Variants in PTPRR observed in about 807,000 individuals in gnomAD.
The protein encoded by PTPRR is protein tyrosine phosphatase receptor type R, also known as receptor-type tyrosine-protein phosphatase R.
PTPRR carries 38 observed loss-of-function variants against 77.2 expected under a neutral mutation model. The observed-to-expected ratio is 0.49, with a 90% confidence interval of 0.38 to 0.65. PTPRR has a LOEUF of 0.65. Ranked by LOEUF, PTPRR falls within the 30% of genes least tolerant of loss-of-function variation. PTPRR has a pLI of 0.00. For synonymous variants in PTPRR, 299 were observed against 283.1 expected (o/e 1.06, Z -0.57); for missense variants, 744 against 799.2 (o/e 0.93, Z 0.83).
At chr12:70,662,732 T>C in intron 10 of PTPRR, 127 bp from the exon 11 acceptor site, 2 of 551,236 alleles carry the variant, frequency 3.6e-6, no homozygotes, top group Non-Finnish European at 3.2e-6. Context: ...ATTTTTATAG[T>C]TTTGTAAATA....
intron 6 of PTPRR, among the ~76,000 whole-genome samples, chr12:70,736,108 G>A (rs553773486): frequency 6.6e-6 from 1 of 151,956 alleles, no homozygotes; most frequent in African/African-American, 2.4e-5. Flanking sequence ...TGCTCTATTC[G>A]TGTTCACCTT....
At chr12:70,673,450 G>T (rs953139634) in intron 10 of PTPRR, among the ~76,000 whole-genome samples, 2 of 152,184 alleles carry the variant, frequency 1.3e-5, no homozygotes, top group Admixed American at 1.3e-4. Context: ...GTGAGATATT[G>T]TTTCACATAT....
intron 2 of PTPRR, among the ~76,000 whole-genome samples, chr12:70,828,475 GAAA>G (rs1290432581): frequency 6.6e-6 from 1 of 152,170 alleles, no homozygotes; most frequent in Non-Finnish European, 1.5e-5. Context: ...TCTTTAAATG[GAAA>G]GAGAATTAGA....
rs1265762698 is a variant in PTPRR, at chr12:70,698,255, A to G, written c.1279+10T>C. ...CCATACAATGCAAATTATAAAATCA[A>G]GAAGCTTACTTGGTAAAATGGTCTT... On this transcript the variant is annotated intron_variant, in intron 8 of 13. Coordinates refer to ENST00000283228, the MANE Select transcript of PTPRR (RefSeq NM_002849.4). 1 of 1,610,632 alleles carries G rather than the reference A, an allele frequency of 6.2e-7. No individual in the cohort carries two copies. The highest frequency in any genetic ancestry group is 1.3e-5 in the African/African-American group (1 of 74,822).
chr12:70,878,757 A>T (rs905612659), intron 2 of PTPRR, among the ~76,000 whole-genome samples: 4 of 152,210 alleles, frequency 2.6e-5, no homozygotes, highest in African/African-American at 7.2e-5. Flanking sequence ...CTGGGTATAT[A>T]CCCAAAGGAT....
At chr12:70,759,249 AC>A (rs935176014) in intron 4 of PTPRR, among the ~76,000 whole-genome samples, 1 of 152,064 alleles carries the variant, frequency 6.6e-6, no homozygotes, top group African/African-American at 2.4e-5. Context: ...CTATTTGTTG[AC>A]TCAGTTTTGT....
At chr12:70,877,795 C>A (rs533013077) in intron 2 of PTPRR, among the ~76,000 whole-genome samples, 13 of 151,898 alleles carry the variant, frequency 8.6e-5, no homozygotes, top group African/African-American at 1.9e-4. Flanking sequence ...TTGCCAAGTC[C>A]ATCCTAAGCC....
intron 2 of PTPRR, among the ~76,000 whole-genome samples, chr12:70,874,890 C>G (rs140392843): frequency 7.0e-6 from 1 of 142,666 alleles, no homozygotes; most frequent in South Asian, 2.2e-4. Context: ...CCACTGCACT[C>G]CAGCCCAGTG....
At chr12:70,738,158 T>C (rs369037661) in intron 6 of PTPRR, among the ~76,000 whole-genome samples, 1 of 152,202 alleles carries the variant, frequency 6.6e-6, no homozygotes, top group Non-Finnish European at 1.5e-5. Flanking sequence ...CTGATAAAAA[T>C]CTCCCAAGCT....
intron 10 of PTPRR, among the ~76,000 whole-genome samples, chr12:70,662,824 A>G (rs1320660556): frequency 6.6e-6 from 1 of 152,064 alleles, no homozygotes; most frequent in Admixed American, 6.5e-5. Context: ...TTTTTAAAGT[A>G]TCAGTTTCAT....
chr12:70,900,575 A>G (rs908820692), intron 1 of PTPRR, among the ~76,000 whole-genome samples: 2 of 151,666 alleles, frequency 1.3e-5, no homozygotes, highest in Non-Finnish European at 3.0e-5. Context: ...AACAATTAAC[A>G]AAGTCAAGTG....
chr12:70,914,346 G>C (rs1027049535), intron 1 of PTPRR, among the ~76,000 whole-genome samples: 1 of 152,102 alleles, frequency 6.6e-6, no homozygotes, highest in South Asian at 2.1e-4. Context: ...TTTGGAGAAA[G>C]AATATGATCA....
intron 6 of PTPRR, among the ~76,000 whole-genome samples, chr12:70,724,055 T>C (rs748282637): frequency 2.0e-5 from 3 of 152,196 alleles, no homozygotes; most frequent in Non-Finnish European, 4.4e-5. Flanking sequence ...TATGCTTTCT[T>C]TGATAGTCTA....
chr12:70,721,316 G>A (rs1889243761), intron 6 of PTPRR, among the ~76,000 whole-genome samples: 1 of 152,150 alleles, frequency 6.6e-6, no homozygotes, highest in African/African-American at 2.4e-5. Flanking sequence ...CTAAGAATAG[G>A]TAATTTATCT....
intron 2 of PTPRR, among the ~76,000 whole-genome samples, chr12:70,827,786 C>T (rs957790695): frequency 1.3e-4 from 19 of 141,814 alleles, no homozygotes; most frequent in East Asian, 2.2e-4. Flanking sequence ...GGCACAGTCT[C>T]GGCTCACTGC....
At chr12:70,778,452 A>G (rs1218069816) in intron 2 of PTPRR, among the ~76,000 whole-genome samples, 1 of 152,150 alleles carries the variant, frequency 6.6e-6, no homozygotes, top group Non-Finnish European at 1.5e-5. Context: ...ATTTTCTCCT[A>G]TTATGCATTT....
intron 6 of PTPRR, among the ~76,000 whole-genome samples, chr12:70,723,056 G>A (rs910188228): frequency 2.0e-4 from 31 of 152,240 alleles, no homozygotes; most frequent in East Asian, 7.7e-4. Context: ...GCCAGATGTC[G>A]ACCACTGATT....
intron 6 of PTPRR, among the ~76,000 whole-genome samples, chr12:70,722,155 A>G (rs571606108): frequency 1.3e-5 from 2 of 152,108 alleles, no homozygotes; most frequent in Admixed American, 1.3e-4. Flanking sequence ...ACCAGAACCC[A>G]GGGTCCTTTT....
chr12:70,704,310 C>T (rs972156818), intron 6 of PTPRR, among the ~76,000 whole-genome samples: 5 of 151,876 alleles, frequency 3.3e-5, no homozygotes, highest in South Asian at 4.2e-4. Context: ...CTCAGCTATT[C>T]GGGAGGATGA....
Sources: gnomAD v4.1 joint callset for allele counts (sites outside exome capture counted in the v4.1 genomes callset) on GRCh38, gnomAD v4.1.1 for gene constraint, MANE v1.5 for transcripts, NCBI Gene and HGNC (gene_info 2026-07-23, HGNC 2026-07-21) for gene names.